The following PCDHGB2 variants were observed in gnomAD, a reference collection of about 807,000 sequenced individuals.
The protein encoded by PCDHGB2 is protocadherin gamma-B2.
Under a neutral mutation model 59.3 loss-of-function variants are expected in PCDHGB2, and 55 were observed. That is an observed-to-expected ratio of 0.93 (90% CI 0.75 to 1.16). PCDHGB2 has a LOEUF of 1.16. PCDHGB2 is among the 50% of genes most tolerant of loss of function. The pLI is 0.00. For missense variants in PCDHGB2, 1,228 were observed against 1,198.5 expected (o/e 1.02, Z -0.36); for synonymous variants, 516 against 512.0 (o/e 1.01, Z -0.11).
chr5:141,395,022 G>A lies in PCDHGB2; in HGVS notation c.2421+32466G>A, dbSNP rs2093150969. ...CGGTGGCAGATTGGTAGGCGTGCCT[G>A]CCTCACATTTTGTGGGTGTTGAGGA... On this transcript the variant is annotated intron_variant, in intron 1 of 3. Transcript: ENST00000522605. 1 of 1,614,128 alleles carries A rather than the reference G, an allele frequency of 6.2e-7. No homozygotes were observed. The highest frequency in any genetic ancestry group is 1.3e-5 in the African/African-American group (1 of 75,036).
In PCDHGB2 at chr5:141,476,141, G is replaced by A. The variant is rs1011341002; in HGVS notation, c.2422-18666G>A. On this transcript the variant is annotated intron_variant, in intron 1 of 3. Coordinates refer to ENST00000522605, the MANE Select transcript of PCDHGB2 (RefSeq NM_018923.3). This position sits in a 1 kb window ranked among gnomAD's most constrained non-coding sequence, Gnocchi z 7.6. ...GATGGTCCCAGAGGCCTGGAGGAGCGGACTGGTAAGCACCGGGAGGGTAGT... is the reference window on the plus strand; with the variant it reads ...GATGGTCCCAGAGGCCTGGAGGAGCAGACTGGTAAGCACCGGGAGGGTAGT... 5.6e-6 allele frequency: 9 copies of A among 1,609,928 alleles called. No homozygotes were observed. Among genetic ancestry groups the A allele is most frequent in the Non-Finnish European group, 7.6e-6 (9 of 1,178,880 alleles).
chr5:141,419,699 C>A (rs1488905080), intron 1 of PCDHGB2: 1 of 1,612,924 alleles, frequency 6.2e-7, no homozygotes. Context: ...GGCCAGTGAG[C>A]CCGGGCTCTT....
intron 1 of PCDHGB2, among the ~76,000 whole-genome samples, chr5:141,397,616 T>G (rs918214976): frequency 2.0e-5 from 3 of 152,194 alleles, no homozygotes; most frequent in Non-Finnish European, 4.4e-5. Context: ...AGGGCAATAC[T>G]TAGTTCTAGC....
At chr5:141,484,912 T>G (rs1594427765) in intron 1 of PCDHGB2, 1 of 437,066 alleles carries the variant, frequency 2.3e-6, no homozygotes, top group East Asian at 4.0e-5. Flanking sequence ...TGCGACGCAT[T>G]AACCCTGCTG....
In PCDHGB2 at chr5:141,476,240, G is replaced by A. The variant is rs762604058; in HGVS notation, c.2422-18567G>A. On this transcript the variant is annotated intron_variant, in intron 1 of 3. Coordinates refer to ENST00000522605, the MANE Select transcript of PCDHGB2 (RefSeq NM_018923.3). This position sits in a 1 kb window ranked among gnomAD's most constrained non-coding sequence, Gnocchi z 7.6. ...TCACTATGAGATCCCGGAGGAAAGAGAGAAGGGTTTCGCTGTGGGCAACGT... is the reference window on the plus strand; with the variant it reads ...TCACTATGAGATCCCGGAGGAAAGAAAGAAGGGTTTCGCTGTGGGCAACGT... The A allele has an allele frequency of 4.3e-6, 7 of 1,613,986 alleles. No individual in the cohort carries two copies. The highest frequency in any genetic ancestry group is 1.7e-6 in the Non-Finnish European group (2 of 1,180,030).
intron 2 of PCDHGB2, among the ~76,000 whole-genome samples, chr5:141,496,352 G>A (rs2099768243): frequency 2.0e-5 from 3 of 152,200 alleles, no homozygotes; most frequent in South Asian, 2.1e-4. Context: ...GAGTCTCAGA[G>A]CCCAGGGAGA....
chr5:141,398,812 C>A, intron 1 of PCDHGB2: 1 of 1,613,942 alleles, frequency 6.2e-7, no homozygotes, highest in South Asian at 1.1e-5. Context: ...CACTGAGCTC[C>A]GGATCCAGGT....
rs377547144 is a variant in PCDHGB2, at chr5:141,409,030, G to A, written c.2421+46474G>A. The stretch of plus-strand genomic sequence containing the variant: ...ACCAGGATGAGGGGGTCAATGCTGA[G>A]ATAAACTACTACTTCCGAAGCACTG... On this transcript the variant is annotated intron_variant, in intron 1 of 3. Transcript: ENST00000522605. 9.9e-6 allele frequency: 16 copies of A among 1,613,892 alleles called. No homozygotes were observed. The African/African-American group carries it at 2.0e-4, about 20-fold the overall frequency.
chr5:141,383,347 G>A, intron 1 of PCDHGB2: 1 of 1,614,012 alleles, frequency 6.2e-7, no homozygotes, highest in Non-Finnish European at 8.5e-7. Context: ...AGCTCCTGGG[G>A]TTCGGTTTCC....
At chr5:141,429,486 A>C (rs2097218130) in intron 1 of PCDHGB2, among the ~76,000 whole-genome samples, 1 of 152,114 alleles carries the variant, frequency 6.6e-6, no homozygotes, top group Non-Finnish European at 1.5e-5. Context: ...AGTAGCTGAG[A>C]CTACAGTTGC....
chr5:141,400,513 C>A, intron 1 of PCDHGB2: 1 of 1,613,994 alleles, frequency 6.2e-7, no homozygotes, highest in Non-Finnish European at 8.5e-7. Context: ...GTCGACTTCC[C>A]ATCCTGAGTT....
intron 1 of PCDHGB2, chr5:141,392,651 C>G (rs1228467133): frequency 1.4e-6 from 1 of 708,830 alleles, no homozygotes; most frequent in Non-Finnish European, 2.2e-6. Flanking sequence ...CGAAGACCCG[C>G]AGATGCCACA....
rs2099705703 is a variant in PCDHGB2, at chr5:141,490,886, C to A, written c.2422-3921C>A. On this transcript the variant is annotated intron_variant, in intron 1 of 3. Transcript: ENST00000522605. This position sits in a 1 kb window ranked among gnomAD's most constrained non-coding sequence, Gnocchi z 5.4. The stretch of plus-strand genomic sequence containing the variant: ...TCTCCCCCATTGCATGCCAACACAT[C>A]TCTGCATGTGTTTGTCCTAGACGAG... The A allele has an allele frequency of 6.2e-7, 1 of 1,613,406 alleles. No homozygotes were observed. Among genetic ancestry groups the A allele is most frequent in the East Asian group, 2.2e-5 (1 of 44,878 alleles).
At chr5:141,506,252 C>T (rs1158047426) in intron 3 of PCDHGB2, among the ~76,000 whole-genome samples, 1 of 151,968 alleles carries the variant, frequency 6.6e-6, no homozygotes, top group African/African-American at 2.4e-5. Flanking sequence ...AGTTCGAAAC[C>T]GGCCTGGCCA....
intron 1 of PCDHGB2, among the ~76,000 whole-genome samples, chr5:141,444,476 C>A (rs1228271706): frequency 6.6e-6 from 1 of 152,088 alleles, no homozygotes; most frequent in Non-Finnish European, 1.5e-5. Flanking sequence ...CGGTCGCGTA[C>A]TGGATTTATA....
chr5:141,368,326 T>A (rs1444418576), intron 1 of PCDHGB2, among the ~76,000 whole-genome samples: 3 of 152,122 alleles, frequency 2.0e-5, no homozygotes, highest in Non-Finnish European at 2.9e-5. Context: ...TTCAAGTATA[T>A]CTATATCTAT....
chr5:141,360,144 G>C lies in PCDHGB2; in HGVS notation c.9G>C (p.Ala3=), dbSNP rs1761438795. ...GCAAAGGGAGCCAGAAGATGAAAGC[G>C]AGCTCAGGGAGGTGCGGGCTGGTGC... MK[A]SSGRCGLVRW... Residue 3 remains alanine, a synonymous_variant, in exon 1 of 4, where the codon GCG becomes GCC. Coordinates refer to ENST00000522605, the MANE Select transcript of PCDHGB2 (RefSeq NM_018923.3). 6.3e-7 allele frequency: 1 copy of C among 1,596,030 alleles called. No individual in the cohort carries two copies. Among genetic ancestry groups the C allele is most frequent in the African/African-American group, 1.3e-5 (1 of 74,424 alleles).
At position 141,366,626 on chromosome 5, in the gene PCDHGB2, A is replaced by G. The variant is rs762991853; in HGVS notation, c.2421+4070A>G. ...CTCCCTCACCGCGGACTCGAGGAAG[A>G]GTCACCTGATCTTTCCCCAGCCCAA... On this transcript the variant is annotated intron_variant, in intron 1 of 3. Coordinates refer to ENST00000522605, the MANE Select transcript of PCDHGB2 (RefSeq NM_018923.3). 9 of 1,614,244 alleles carry G rather than the reference A, an allele frequency of 5.6e-6. No individual in the cohort carries two copies. The South Asian group carries it at 9.9e-5, about 18-fold the overall frequency.
chr5:141,420,065 G>A (rs1253164840), intron 1 of PCDHGB2: 4 of 1,614,018 alleles, frequency 2.5e-6, no homozygotes, highest in Non-Finnish European at 3.4e-6. Flanking sequence ...CTCCAAGTCC[G>A]GACCTGTGGG....
Sources: gnomAD v4.1 joint callset for allele counts (sites outside exome capture counted in the v4.1 genomes callset) on GRCh38, gnomAD v4.1.1 for gene constraint, Gnocchi (gnomAD v3.1) non-coding constraint, MANE v1.5 for transcripts, NCBI Gene and HGNC (gene_info 2026-07-23, HGNC 2026-07-21) for gene names.